The following EXPH5 variants were observed in gnomAD, a reference collection of about 807,000 sequenced individuals.
EXPH5 encodes the protein exophilin-5.
In EXPH5, 42 loss-of-function variants were observed where a neutral mutation model predicts 41.1. The observed-to-expected ratio is 1.02, with a 90% CI of 0.80 to 1.32. The LOEUF (loss-of-function observed/expected upper bound fraction) is 1.32. Ranked by LOEUF, EXPH5 falls within the 40% of genes most tolerant of loss-of-function variation. The probability of loss-of-function intolerance (pLI) is 0.00; values close to 1 mark genes in which losing one functional copy is unlikely to be tolerated. For missense variants in EXPH5, 2,298 were observed against 2,314.5 expected (o/e 0.99, Z 0.15); for synonymous variants, 798 against 833.5 (o/e 0.96, Z 0.73).
rs369663395 is a variant in EXPH5 at position 108,543,439 on chromosome 11, A to T, written c.120-1627T>A. On this transcript the variant is annotated intron_variant, in intron 1 of 5. Transcript: ENST00000265843. The stretch of plus-strand genomic sequence containing the variant: ...AGAAAGTGGAGTTTGAAGAATGATG[A>T]CAAGGCTTACAGTGTGGTTGTTTTT... Among the ~76,000 whole-genome samples, 17 of 152,304 alleles carry T rather than the reference A, an allele frequency of 1.1e-4. No individual in the cohort carries two copies. The East Asian group carries it at 3.3e-3, about 29-fold the overall frequency.
At chr11:108,558,858 A>G (rs1565821621) in intron 1 of EXPH5, among the ~76,000 whole-genome samples, 3 of 152,136 alleles carry the variant, frequency 2.0e-5, no homozygotes. Flanking sequence ...TTCCACCTAG[A>G]TTATTTCATT....
chr11:108,523,465 T>C lies in EXPH5; in HGVS notation c.492+4671A>G, dbSNP rs1285330560. ...AATGTACATATCTTCAGTTAGATGGTAAACTCTCTGAAGAAAGGAAACTTG... is the reference window on the plus strand; with the variant it reads ...AATGTACATATCTTCAGTTAGATGGCAAACTCTCTGAAGAAAGGAAACTTG... On this transcript the variant is annotated intron_variant, in intron 4 of 5. Transcript: ENST00000265843. Among the ~76,000 whole-genome samples, 2 of 152,204 alleles carry C rather than the reference T, an allele frequency of 1.3e-5. 1 individual carries two copies. Among genetic ancestry groups the C allele is most frequent in the East Asian group, 3.8e-4 (2 of 5,200 alleles).
At chr11:108,570,387 T>C (rs2094054800) in intron 1 of EXPH5, among the ~76,000 whole-genome samples, 2 of 152,116 alleles carry the variant, frequency 1.3e-5, no homozygotes, top group South Asian at 4.1e-4. Context: ...CCTGAGTAGC[T>C]GGGATCACAG....
In EXPH5 at chr11:108,511,634, G is replaced by A. The variant is rs138787399; in HGVS notation, c.3873C>T (p.Asn1291=). 32 of 1,609,906 alleles carry A rather than the reference G, an allele frequency of 2.0e-5. No individual in the cohort carries two copies. Among genetic ancestry groups the A allele is most frequent in the African/African-American group, 8.0e-5 (6 of 74,648 alleles). ...SPQVETETFP[N]ALEKDKQNYS... ...AATTCTGTTTGTCTTTTTCTAAAGC[G>A]TTAGGAAATGTTTCAGTCTCCACTT... The change falls in exon 6 of 6, where the codon AAC becomes AAT. Residue 1291 remains asparagine (N), a synonymous_variant. Transcript: ENST00000265843.
chr11:108,511,379 T>C lies in EXPH5; in HGVS notation c.4128A>G (p.Leu1376=). 6.3e-7 allele frequency: 1 copy of C among 1,592,492 alleles called. No homozygotes were observed. Among genetic ancestry groups the C allele is most frequent in the South Asian group, 1.2e-5 (1 of 86,626 alleles). The change falls in exon 6 of 6, where the codon CTA becomes CTG. Residue 1376 remains leucine (L), a synonymous_variant. Transcript: ENST00000265843. ...TTTCCTTCTTGTTTTCTGAATCACC[T>C]AGAGGTGTTTTAGCTAAATTATCTG... ...IFSDNLAKTP[L]GDSENKKERG...
chr11:108,575,904 G>A (rs1188931783), intron 1 of EXPH5, among the ~76,000 whole-genome samples: 3 of 151,986 alleles, frequency 2.0e-5, no homozygotes, highest in African/African-American at 7.3e-5. Flanking sequence ...AGAGGTTGTA[G>A]TGAGCCGAGA....
At chr11:108,560,846 A>G (rs1406094205) in intron 1 of EXPH5, among the ~76,000 whole-genome samples, 1 of 152,190 alleles carries the variant, frequency 6.6e-6, no homozygotes, top group Admixed American at 6.5e-5. Context: ...TGTCATTGTT[A>G]TATGTTCTTA....
chr11:108,603,628 C>T, the EXPH5 span, among the ~76,000 whole-genome samples: 1 of 152,218 alleles, frequency 6.6e-6, no homozygotes, highest in African/African-American at 2.4e-5. Context: ...AAGCTCAGTA[C>T]ATTAAGCATA....
chr11:108,543,392 C>T (rs1312093209), intron 1 of EXPH5, among the ~76,000 whole-genome samples: 2 of 152,094 alleles, frequency 1.3e-5, no homozygotes, highest in Non-Finnish European at 2.9e-5. Context: ...GGGAGATGTT[C>T]CTGGATGGAG....
rs575650631 is a variant in EXPH5, at chr11:108,511,737, G to A, written c.3770C>T (p.Pro1257Leu). The change falls in exon 6 of 6, where the codon CCG (proline) becomes CTG (leucine). Residue 1257 changes from proline (P) to leucine (L), a missense_variant. Pro to Leu is a moderately conservative substitution (Grantham distance 98). Transcript: ENST00000265843. ...ACAGAATTTTTTGCTGGGTTTCCTC[G>A]GTAGAGTGTAATATATTGAGACCAC... ...LEVVSIYYTLPRKPSKKFCNL... is the reference protein window; with the variant it reads ...LEVVSIYYTLLRKPSKKFCNL... The A allele has an allele frequency of 3.7e-6, 6 of 1,610,242 alleles. No homozygotes were observed. The highest frequency in any genetic ancestry group is 2.7e-5 in the African/African-American group (2 of 74,702).
In EXPH5 at chr11:108,514,436, T is replaced by C; in HGVS notation, c.1071A>G (p.Pro357=). 2 of 1,614,142 alleles carry C rather than the reference T, an allele frequency of 1.2e-6. No homozygotes were observed. ...TTQSKSGFIP[P]RHQQSPKRTP... is the part of the protein sequence containing the mutation. ...TTCTCTTTGGACTCTGCTGGTGCCT[T>C]GGTGGTATAAACCCACTCTTGCTCT... Residue 357 remains proline, a synonymous_variant, in exon 6 of 6, where the codon CCA becomes CCG. Transcript: ENST00000265843.
At chr11:108,527,525 C>T (rs1157963154) in intron 4 of EXPH5, among the ~76,000 whole-genome samples, 1 of 152,152 alleles carries the variant, frequency 6.6e-6, no homozygotes, top group Non-Finnish European at 1.5e-5. Context: ...CCAAAACTCT[C>T]CATTTCTTTT....
chr11:108,512,825 G>A lies in EXPH5; in HGVS notation c.2682C>T (p.Ser894=). Residue 894 remains serine (S), a synonymous_variant, in exon 6 of 6, where the codon TCC becomes TCT. Coordinates refer to ENST00000265843, the MANE Select transcript of EXPH5 (RefSeq NM_015065.3). ...LPDSSPSKNS[S]LDAPVVPSTT... ...TAGATGGAACCACAGGAGCATCAAG[G>A]GAAGAATTCTTTGATGGTGAGGAAT... The A allele has an allele frequency of 6.2e-7, 1 of 1,614,152 alleles. No homozygotes were observed. The highest frequency in any genetic ancestry group is 2.2e-5 in the East Asian group (1 of 44,884).
At chr11:108,530,078 A>G (rs2093827128) in intron 3 of EXPH5, among the ~76,000 whole-genome samples, 2 of 152,256 alleles carry the variant, frequency 1.3e-5, no homozygotes, top group Non-Finnish European at 2.9e-5. Flanking sequence ...TTATACCCTT[A>G]AGATAACCAC....
chr11:108,516,439 T>C (rs930912060), intron 5 of EXPH5, among the ~76,000 whole-genome samples: 1 of 152,250 alleles, frequency 6.6e-6, no homozygotes, highest in African/African-American at 2.4e-5. Flanking sequence ...AAAAACCCAT[T>C]AGATTTTGAA....
chr11:108,552,639 T>C (rs1381785062), intron 1 of EXPH5, among the ~76,000 whole-genome samples: 3 of 152,154 alleles, frequency 2.0e-5, no homozygotes, highest in Non-Finnish European at 4.4e-5. Flanking sequence ...AATTGACCAT[T>C]GTATGGTAGC....
rs1303329690 is a variant in EXPH5 at position 108,528,750 on chromosome 11, T to C, written c.444-566A>G. ...GAGTTTTGCTCTTTGTCGCCCAGGCTGGAGTGCAGTGGCATAATCTCGGCT... is the reference window on the plus strand; with the variant it reads ...GAGTTTTGCTCTTTGTCGCCCAGGCCGGAGTGCAGTGGCATAATCTCGGCT... On this transcript the variant is annotated intron_variant, in intron 3 of 5. Transcript: ENST00000265843. Among the ~76,000 whole-genome samples the C allele has an allele frequency of 8.2e-5, 12 of 146,044 alleles. No homozygotes were observed. The East Asian group carries it at 2.5e-3, about 30-fold the overall frequency.
upstream of EXPH5, chr11:108,593,813 G>C (rs530041553): frequency 1.4e-6 from 2 of 1,464,476 alleles, no homozygotes; most frequent in African/African-American, 2.8e-5. Context: ...CCAAGGGGGC[G>C]GGCCCTCCCT....
At chr11:108,518,141 T>G in intron 5 of EXPH5, 94 bp downstream of exon 5, 1 of 1,131,004 alleles carries the variant, frequency 8.8e-7, no homozygotes, top group Non-Finnish European at 1.3e-6. Context: ...AAGTACAGTG[T>G]TTCATATGTT....
Sources: allele counts gnomAD v4.1 joint callset (sites outside exome capture counted in the v4.1 genomes callset), GRCh38; gene constraint gnomAD v4.1.1; transcripts MANE v1.5; gene names NCBI Gene and HGNC (gene_info 2026-07-23, HGNC 2026-07-21).